The following TRIO variants were observed in gnomAD, a reference collection of about 807,000 sequenced individuals.
TRIO encodes the protein triple functional domain protein.
Under a neutral mutation model 351.9 loss-of-function variants are expected in TRIO, and 58 were observed. That is an observed-to-expected ratio of 0.16 (90% CI 0.13 to 0.21). The LOEUF is 0.21. Among genes scored for constraint, TRIO ranks in the 10% least tolerant of loss-of-function variants. The pLI is 1.00. For synonymous variants in TRIO, 1,758 were observed against 1,595.7 expected (o/e 1.10, Z -2.42); for missense variants, 3,201 against 4,027.8 (o/e 0.79, Z 5.56).
intron 11 of TRIO, among the ~76,000 whole-genome samples, chr5:14,348,077 C>G (rs1001893325): frequency 6.6e-6 from 1 of 152,210 alleles, no homozygotes; most frequent in Admixed American, 6.5e-5. Flanking sequence ...GGGAGGCCGT[C>G]GTCTTGCTTT....
chr5:14,222,920 A>T (rs535797323), intron 1 of TRIO, among the ~76,000 whole-genome samples: 1 of 152,328 alleles, frequency 6.6e-6, no homozygotes, highest in South Asian at 2.1e-4. Context: ...GATGGCGTGC[A>T]GTGTGGACAT....
chr5:14,432,328 G>A (rs1474227223), intron 34 of TRIO, among the ~76,000 whole-genome samples: 1 of 152,250 alleles, frequency 6.6e-6, no homozygotes, highest in East Asian at 1.9e-4. Flanking sequence ...ACATACTGCT[G>A]TCTGTGCACG....
At position 14,237,490 on chromosome 5, in the gene TRIO, T is replaced by C. The variant is rs188063235; in HGVS notation, c.158-33335T>C. Among the ~76,000 whole-genome samples the C allele has an allele frequency of 4.6e-5, 7 of 152,144 alleles. No individual in the cohort carries two copies. In the South Asian group the frequency reaches 1.5e-3, roughly 32 times the overall value. ...TGCCTTGAACACCAGAGAATCCGGA[T>C]TCGTGAAGGCAGGATGACTTGGCAT... On this transcript the variant is annotated intron_variant, in intron 1 of 56. Transcript: ENST00000344204.
In TRIO at chr5:14,374,316, A is replaced by G. The variant is rs763472464; in HGVS notation, c.3304A>G (p.Ile1102Val). 1.9e-6 allele frequency: 3 copies of G among 1,613,348 alleles called. No homozygotes were observed. The African/African-American group carries it at 4.0e-5, about 22-fold the overall frequency. The change falls in exon 19 of 57, where the codon ATC (isoleucine) becomes GTC (valine). Residue 1102 changes from isoleucine to valine, a missense_variant. This residue lies in a region of TRIO where 201 missense variants were observed against 266.5 expected (regional missense o/e 0.75). Transcript: ENST00000344204. Reference protein sequence around the residue: ...SVNMPGMVTHIKAPEQQVKNI... With the variant: ...SVNMPGMVTHVKAPEQQVKNI... ...GAACATGCCAGGAATGGTGACGCAC[A>G]TCAAAGCTCCTGAACAGCAAGTGAA...
chr5:14,369,298 C>T, intron 17 of TRIO, 76 bp from the exon 18 acceptor site: 2 of 1,513,350 alleles, frequency 1.3e-6, no homozygotes, highest in Non-Finnish European at 1.8e-6. Context: ...CAGAGCCCGA[C>T]TGAAAGGGCT....
Position 14,317,976 on chromosome 5 carries a change from A to G in TRIO, c.1731+1233A>G, listed in dbSNP as rs558710961. On this transcript the variant is annotated intron_variant, in intron 9 of 56. Coordinates refer to ENST00000344204, the MANE Select transcript of TRIO (RefSeq NM_007118.4). ...ACCGTGTCTCTACTCAGAATACAAAAATTAGCCAGGTGTGGTGGCGCATGC... is the reference window on the plus strand; with the variant it reads ...ACCGTGTCTCTACTCAGAATACAAAGATTAGCCAGGTGTGGTGGCGCATGC... Among the ~76,000 whole-genome samples, 19 of 152,274 alleles carry G rather than the reference A, an allele frequency of 1.2e-4. 1 individual carries two copies. Among genetic ancestry groups the G allele is most frequent in the African/African-American group, 4.1e-4 (17 of 41,554 alleles).
intron 1 of TRIO, chr5:14,184,034 T>G (rs1032284728): frequency 4.3e-6 from 3 of 691,526 alleles, no homozygotes; most frequent in Non-Finnish European, 7.9e-6. Flanking sequence ...AGGGTTTCTC[T>G]AGGAGGACTG....
chr5:14,385,945 C>T (rs1330040235), intron 21 of TRIO, among the ~76,000 whole-genome samples: 3 of 152,180 alleles, frequency 2.0e-5, no homozygotes, highest in Admixed American at 6.5e-5. Context: ...TTACAGTGCC[C>T]TCCACAGATG....
intron 33 of TRIO, among the ~76,000 whole-genome samples, chr5:14,411,985 T>G (rs936531089): frequency 6.8e-6 from 1 of 147,094 alleles, no homozygotes; most frequent in Non-Finnish European, 1.5e-5. Context: ...TTTTCTTTCT[T>G]TCTTTCTTTT....
At chr5:14,461,664 C>T (rs1579725683) in intron 35 of TRIO, among the ~76,000 whole-genome samples, 1 of 152,256 alleles carries the variant, frequency 6.6e-6, no homozygotes, top group African/African-American at 2.4e-5. Flanking sequence ...GAAGCAAAGC[C>T]AGAGGCTCTG....
intron 38 of TRIO, among the ~76,000 whole-genome samples, chr5:14,472,279 A>C (rs959450277): frequency 6.6e-6 from 1 of 152,240 alleles, no homozygotes; most frequent in African/African-American, 2.4e-5. Context: ...TTCCTTTACT[A>C]TCATGGCTTT....
chr5:14,415,436 C>G (rs1749560534), intron 33 of TRIO, among the ~76,000 whole-genome samples: 1 of 152,126 alleles, frequency 6.6e-6, no homozygotes, highest in South Asian at 2.1e-4. Context: ...GCCATACATG[C>G]CTCATTGTTG....
chr5:14,317,239 T>C (rs1739453544), intron 9 of TRIO, among the ~76,000 whole-genome samples: 1 of 152,226 alleles, frequency 6.6e-6, no homozygotes, highest in Admixed American at 6.5e-5. Flanking sequence ...GCCATCTCTT[T>C]TGTTTTAAAG....
At chr5:14,351,536 C>T (rs1375459652) in intron 11 of TRIO, among the ~76,000 whole-genome samples, 1 of 152,148 alleles carries the variant, frequency 6.6e-6, no homozygotes. Context: ...GAAACAGATA[C>T]CAATGGCAAC....
At chr5:14,191,908 A>G (rs1336742564) in intron 1 of TRIO, among the ~76,000 whole-genome samples, 1 of 152,218 alleles carries the variant, frequency 6.6e-6, no homozygotes, top group East Asian at 1.9e-4. Flanking sequence ...ACAACTCTAA[A>G]TGGCTCATTT....
At chr5:14,472,699 A>G in intron 39 of TRIO, 41 bp downstream of exon 39, 1 of 1,605,666 alleles carries the variant, frequency 6.2e-7, no homozygotes, top group Non-Finnish European at 8.5e-7. Flanking sequence ...TATCAGTTCC[A>G]AGAGTTGTCA....
At chr5:14,391,742 C>G (rs30801) in intron 27 of TRIO, among the ~76,000 whole-genome samples, 47,718 of 152,170 alleles carry the variant, frequency 0.31, 8,066 homozygotes, top group African/African-American at 0.41. Context: ...TGTTTTCTGT[C>G]TTTACACTTG....
At chr5:14,276,983 C>T (rs1051763249) in intron 2 of TRIO, among the ~76,000 whole-genome samples, 1 of 152,190 alleles carries the variant, frequency 6.6e-6, no homozygotes, top group Admixed American at 6.5e-5. Flanking sequence ...ACCTCAGTTC[C>T]CTTAGCATCC....
chr5:14,337,455 C>G (rs886832218), intron 11 of TRIO, among the ~76,000 whole-genome samples: 8 of 152,112 alleles, frequency 5.3e-5, no homozygotes, highest in African/African-American at 1.9e-4. Flanking sequence ...AAAGAAAATT[C>G]CCTGCGTCAC....
Sources: gnomAD v4.1 joint callset for allele counts (sites outside exome capture counted in the v4.1 genomes callset) on GRCh38, gnomAD v4.1.1 for gene constraint, gnomAD v4.1.1 regional missense constraint, MANE v1.5 for transcripts, NCBI Gene and HGNC (gene_info 2026-07-23, HGNC 2026-07-21) for gene names.